Variants in C11orf16 observed in about 807,000 individuals in gnomAD.
The protein encoded by C11orf16 is uncharacterized protein C11orf16.
C11orf16 carries 38 observed loss-of-function variants against 45.1 expected under a neutral mutation model. That is an observed-to-expected ratio of 0.84 (90% confidence interval 0.65 to 1.10). C11orf16 has a LOEUF of 1.10. Ranked by LOEUF, C11orf16 falls within the 50% of genes least tolerant of loss-of-function variation. The pLI is 0.00. For synonymous variants in C11orf16, 221 were observed against 222.0 expected, an observed-to-expected ratio of 1.00 and a Z score of 0.04; for missense variants, 583 against 569.5, an observed-to-expected ratio of 1.02 and a Z score of -0.24.
In C11orf16 at chr11:8,924,063, T is replaced by C. The variant is rs921566179; in HGVS notation, c.1204+1400A>G. On this transcript the variant is annotated intron_variant, in intron 5 of 6. Coordinates refer to ENST00000326053, the MANE Select transcript of C11orf16 (RefSeq NM_020643.3). ...AGAGCACAGCTGGGCCTATGAGAGA[T>C]AGGGGAAAAATCCTCATATAAAATC... Among the ~76,000 whole-genome samples, 4 of 151,922 alleles carry C rather than the reference T, an allele frequency of 2.6e-5. No homozygotes were observed. The East Asian group carries it at 7.7e-4, about 29-fold the overall frequency.
At chr11:8,929,556 A>G (rs766158891) in intron 2 of C11orf16, 23 bp from the exon 3 acceptor site, 2 of 1,599,012 alleles carry the variant, frequency 1.3e-6, no homozygotes, top group African/African-American at 1.3e-5. Context: ...AAATGGAATT[A>G]GTGGATAGAG....
chr11:8,922,997 C>T (rs1484192388), intron 5 of C11orf16, among the ~76,000 whole-genome samples: 1 of 152,192 alleles, frequency 6.6e-6, no homozygotes, highest in Non-Finnish European at 1.5e-5. Flanking sequence ...AGGAACTTTC[C>T]CTAGAGCATA....
intron 2 of C11orf16, among the ~76,000 whole-genome samples, chr11:8,931,200 A>G (rs1589936010): frequency 6.7e-6 from 1 of 149,474 alleles, no homozygotes; most frequent in Non-Finnish European, 1.5e-5. Context: ...ATGGTGGCTG[A>G]GCAAGTCTCT....
chr11:8,921,227 G>T, intron 6 of C11orf16, 67 bp downstream of exon 6: 3 of 1,259,918 alleles, frequency 2.4e-6, no homozygotes, highest in South Asian at 1.3e-5. Flanking sequence ...AAGGGGATGT[G>T]ACCCAAAAGG....
In C11orf16 at chr11:8,920,426, AATATTTACC is replaced by A. The variant is rs2064562205; in HGVS notation, c.*38_*46del. 1 of 681,076 alleles carries A rather than the reference AATATTTACC, an allele frequency of 1.5e-6. No individual in the cohort carries two copies. Among genetic ancestry groups the A allele is most frequent in the African/African-American group, 1.8e-5 (1 of 55,944 alleles). The allele number at this position is 681,076 out of a possible 1,614,324, so 42.2% of individuals were successfully genotyped here. On this transcript the variant is annotated 3_prime_UTR_variant, in exon 7 of 7. Transcript: ENST00000326053. Reference sequence around the variant, plus strand: ...CAGCCACTCTGTATAACTCTCCTCGAATATTTACCATGTTTATTCTTTACCTATAAAAGG... The same window carrying A: ...CAGCCACTCTGTATAACTCTCCTCGAATGTTTATTCTTTACCTATAAAAGG...
chr11:8,922,024 T>C (rs980200279), intron 5 of C11orf16, among the ~76,000 whole-genome samples: 1 of 152,228 alleles, frequency 6.6e-6, no homozygotes, highest in Admixed American at 6.5e-5. Flanking sequence ...CTGGACCTTA[T>C]GCTTTTGGGA....
At chr11:8,928,022 C>T (rs554702217) in intron 3 of C11orf16, among the ~76,000 whole-genome samples, 37 of 152,234 alleles carry the variant, frequency 2.4e-4, no homozygotes, top group African/African-American at 7.9e-4. Context: ...ATTCTCCTGT[C>T]TCAGGTTCCC....
chr11:8,928,565 G>C (rs1057167746), intron 3 of C11orf16, among the ~76,000 whole-genome samples: 3 of 152,138 alleles, frequency 2.0e-5, no homozygotes, highest in Admixed American at 6.5e-5. Context: ...TCCTCCCACA[G>C]GCTGGAGTGC....
At chr11:8,932,401 G>T in intron 1 of C11orf16, 75 bp from the exon 2 acceptor site, 1 of 1,273,756 alleles carries the variant, frequency 7.9e-7, no homozygotes, top group Non-Finnish European at 1.1e-6. Context: ...GCAGGGCTCA[G>T]CTCTGCAGTT....
chr11:8,923,793 G>A (rs921615852), intron 5 of C11orf16, among the ~76,000 whole-genome samples: 21 of 151,684 alleles, frequency 1.4e-4, no homozygotes, highest in South Asian at 4.2e-4. Context: ...TAGTAGAGAC[G>A]GGGTTTCACT....
In C11orf16 at chr11:8,920,460, G is replaced by C; in HGVS notation, c.*23-10C>G. The C allele has an allele frequency of 1.5e-6, 1 of 668,910 alleles. No homozygotes were observed. Among genetic ancestry groups the C allele is most frequent in the South Asian group, 1.6e-5 (1 of 61,506 alleles). The allele number at this position is 668,910 out of a possible 1,614,324, so 41.4% of individuals were successfully genotyped here. A position where few individuals can be genotyped will look rare whatever the true frequency, so the allele number is the denominator to read the frequency against. ...CATGTTTATTCTTTACCTATAAAAG[G>C]GGGAAAAATTCCATACATTGTTATG... On this transcript the variant is annotated splice_polypyrimidine_tract_variant and intron_variant, in intron 6 of 6. Coordinates refer to ENST00000326053, the MANE Select transcript of C11orf16 (RefSeq NM_020643.3).
intron 2 of C11orf16, among the ~76,000 whole-genome samples, chr11:8,929,885 G>A (rs541264820): frequency 4.6e-5 from 7 of 152,112 alleles, no homozygotes; most frequent in African/African-American, 9.7e-5. Flanking sequence ...TTGGGAGGCC[G>A]ATGTGGATGG....
chr11:8,923,837 C>T (rs2134831783), intron 5 of C11orf16, among the ~76,000 whole-genome samples: 1 of 151,796 alleles, frequency 6.6e-6, no homozygotes, highest in East Asian at 2.0e-4. Context: ...CCCCTGACCT[C>T]AAGTGATCCA....
chr11:8,927,376 C>T lies in C11orf16; in HGVS notation c.325-202G>A, dbSNP rs928463517. ...CAGGCTGTGTGGCACGGTTGTGCTC[C>T]CCTGAATCTCTTCCTGCCTCGGGCA... On this transcript the variant is annotated intron_variant, in intron 3 of 6. Coordinates refer to ENST00000326053, the MANE Select transcript of C11orf16 (RefSeq NM_020643.3). 4 of 595,142 alleles carry T rather than the reference C, an allele frequency of 6.7e-6. No individual in the cohort carries two copies. In the Admixed American group the frequency reaches 8.6e-5, roughly 13 times the overall value. 36.9% of individuals were successfully genotyped at this position (595,142 alleles called of 1,614,324 possible). A position where few individuals can be genotyped will look rare whatever the true frequency, so the allele number is the denominator to read the frequency against.
At chr11:8,924,369 A>G (rs1470030474) in intron 5 of C11orf16, among the ~76,000 whole-genome samples, 3 of 152,120 alleles carry the variant, frequency 2.0e-5, no homozygotes, top group Admixed American at 6.5e-5. Flanking sequence ...CACTAAAAAT[A>G]CAAAAAGTTA....
chr11:8,932,716 C>T (rs2064658109), intron 1 of C11orf16, among the ~76,000 whole-genome samples, 185 bp downstream of exon 1: 1 of 152,202 alleles, frequency 6.6e-6, no homozygotes, highest in South Asian at 2.1e-4. Context: ...CCCCGGCCAC[C>T]TACAAGGCTA....
chr11:8,927,391 T>G, intron 3 of C11orf16: 2 of 584,100 alleles, frequency 3.4e-6, no homozygotes, highest in Non-Finnish European at 6.1e-6. Flanking sequence ...AATCTCTTCC[T>G]GCCTCGGGCA....
intron 5 of C11orf16, among the ~76,000 whole-genome samples, chr11:8,922,740 G>A (rs1412151011): frequency 6.6e-6 from 1 of 152,242 alleles, no homozygotes; most frequent in Non-Finnish European, 1.5e-5. Context: ...TAAACATCAA[G>A]CATGTTTAGG....
chr11:8,924,089 CA>C (rs2064592491), intron 5 of C11orf16, among the ~76,000 whole-genome samples: 1 of 152,148 alleles, frequency 6.6e-6, no homozygotes, highest in African/African-American at 2.4e-5. Flanking sequence ...ATATAAAATC[CA>C]AGTGCAGCAG....
Sources: gnomAD v4.1 joint callset for allele counts (sites outside exome capture counted in the v4.1 genomes callset) on GRCh38, gnomAD v4.1.1 for gene constraint, MANE v1.5 for transcripts, NCBI Gene and HGNC (gene_info 2026-07-23, HGNC 2026-07-21) for gene names.